The following UBTD2 variants were observed in gnomAD, a reference collection of about 807,000 sequenced individuals.
UBTD2 encodes the protein ubiquitin domain-containing protein 2.
A neutral mutation model predicts 19.8 loss-of-function variants in UBTD2; 9 were observed. The ratio of observed to expected loss-of-function variants is 0.46; its 90% CI spans 0.27 to 0.79. The LOEUF is 0.79. Ranked by LOEUF, UBTD2 falls within the 30% of genes least tolerant of loss-of-function variation. The pLI is 0.14. For synonymous variants in UBTD2, 98 were observed against 103.9 expected, an observed-to-expected ratio of 0.94 and a Z score of 0.35; for missense variants, 250 against 300.4, an observed-to-expected ratio of 0.83 and a Z score of 1.24.
At chr5:172,263,170 A>G (rs1389762702) in intron 1 of UBTD2, among the ~76,000 whole-genome samples, 1 of 152,064 alleles carries the variant, frequency 6.6e-6, no homozygotes, top group Admixed American at 6.6e-5. Flanking sequence ...AGCTCAAGCA[A>G]TCTGCTTACC....
intron 1 of UBTD2, among the ~76,000 whole-genome samples, chr5:172,249,260 G>C (rs958344055): frequency 6.6e-6 from 1 of 151,600 alleles, no homozygotes; most frequent in Non-Finnish European, 1.5e-5. Context: ...TTAGCTGAGC[G>C]TGGTGGCATG....
chr5:172,271,562 T>C (rs1755493517), intron 1 of UBTD2, among the ~76,000 whole-genome samples: 1 of 152,216 alleles, frequency 6.6e-6, no homozygotes, highest in African/African-American at 2.4e-5. Context: ...TTACCTAAGT[T>C]CTACTTAAAT....
chr5:172,251,776 G>C (rs1016841784), intron 1 of UBTD2, among the ~76,000 whole-genome samples: 2 of 152,198 alleles, frequency 1.3e-5, no homozygotes, highest in Non-Finnish European at 2.9e-5. Flanking sequence ...GGTAATTCTT[G>C]AAGCTGAAAG....
At chr5:172,248,316 G>A in intron 1 of UBTD2, among the ~76,000 whole-genome samples, 1 of 152,190 alleles carries the variant, frequency 6.6e-6, no homozygotes, top group East Asian at 1.9e-4. Context: ...GAGGCTGGAT[G>A]GGGTGGCTCA....
chr5:172,212,765 A>G (rs1443566557), intron 2 of UBTD2, among the ~76,000 whole-genome samples: 1 of 151,744 alleles, frequency 6.6e-6, no homozygotes, highest in East Asian at 1.9e-4. Flanking sequence ...CCTGGGTTCC[A>G]GAGATTCTCC....
At chr5:172,271,196 C>T (rs1048139574) in intron 1 of UBTD2, among the ~76,000 whole-genome samples, 15 of 151,856 alleles carry the variant, frequency 9.9e-5, no homozygotes, top group African/African-American at 3.6e-4. Context: ...TTTTGGAGGC[C>T]GAGGCTGGTG....
rs981452553 is a variant in UBTD2 at position 172,211,744 on chromosome 5, T to C, written c.*86A>G. On this transcript the variant is annotated 3_prime_UTR_variant, in exon 3 of 3. Transcript: ENST00000393792. The stretch of plus-strand genomic sequence containing the variant: ...TCATAGGGAATTTAGAGCAGTGAAA[T>C]AGATTTCACGCCGCAGAGTAGGAAA... The C allele has an allele frequency of 2.7e-5, 38 of 1,407,228 alleles. No individual in the cohort carries two copies. The African/African-American group carries it at 4.9e-4, about 18-fold the overall frequency. The allele number at this position is 1,407,228 out of a possible 1,614,324, so 87.2% of individuals were successfully genotyped here. A position where few individuals can be genotyped will look rare whatever the true frequency, so the allele number is the denominator to read the frequency against.
chr5:172,236,106 C>T (rs1457518632), intron 1 of UBTD2, among the ~76,000 whole-genome samples: 1 of 152,198 alleles, frequency 6.6e-6, no homozygotes, highest in African/African-American at 2.4e-5. Context: ...ACTCTCCAGG[C>T]TATATTCTCA....
intron 2 of UBTD2, among the ~76,000 whole-genome samples, chr5:172,220,974 A>G (rs868771677): frequency 6.6e-6 from 1 of 152,248 alleles, no homozygotes; most frequent in South Asian, 2.1e-4. Context: ...ATACATCAGC[A>G]ATGAGCAAGT....
Position 172,270,544 on chromosome 5 carries a change from G to T in UBTD2, c.70+13052C>A, listed in dbSNP as rs1027923159. ...CTAATTTTTTTGTATTTTAGTAAAA[G>T]ACGGGGTTTCAATGTTGGCTGGGAT... On this transcript the variant is annotated intron_variant, in intron 1 of 2. Transcript: ENST00000393792. Among the ~76,000 whole-genome samples, 5 of 151,844 alleles carry T rather than the reference G, an allele frequency of 3.3e-5. No individual in the cohort carries two copies. In the South Asian group the frequency reaches 8.3e-4, roughly 25 times the overall value.
At chr5:172,269,619 C>T (rs1755444799) in intron 1 of UBTD2, among the ~76,000 whole-genome samples, 2 of 151,590 alleles carry the variant, frequency 1.3e-5, no homozygotes, top group Non-Finnish European at 2.9e-5. Flanking sequence ...GGCCTCTTCT[C>T]GTAACAAGAT....
At chr5:172,274,566 T>G (rs919343275) in intron 1 of UBTD2, among the ~76,000 whole-genome samples, 1 of 152,192 alleles carries the variant, frequency 6.6e-6, no homozygotes, top group African/African-American at 2.4e-5. Context: ...CTGGACATTC[T>G]TGGTGAAGAA....
At chr5:172,214,325 A>C (rs369609508) in intron 2 of UBTD2, among the ~76,000 whole-genome samples, 1 of 152,370 alleles carries the variant, frequency 6.6e-6, no homozygotes, top group South Asian at 2.1e-4. Context: ...AACCCACCAC[A>C]GGTCCAATCT....
intron 1 of UBTD2, among the ~76,000 whole-genome samples, chr5:172,268,700 G>A (rs1472041165): frequency 6.6e-6 from 1 of 152,124 alleles, no homozygotes; most frequent in Non-Finnish European, 1.5e-5. Flanking sequence ...AGTGAGCAGA[G>A]ATCATGCCAC....
At chr5:172,226,696 T>C (rs747652453) in intron 2 of UBTD2, among the ~76,000 whole-genome samples, 1 of 152,202 alleles carries the variant, frequency 6.6e-6, no homozygotes, top group Admixed American at 6.5e-5. Flanking sequence ...ATCCAGATAT[T>C]AGGTGCAGTT....
intron 1 of UBTD2, among the ~76,000 whole-genome samples, chr5:172,272,135 T>C (rs1755502644): frequency 6.6e-6 from 1 of 152,166 alleles, no homozygotes; most frequent in South Asian, 2.1e-4. Flanking sequence ...ACTGCAAACA[T>C]GCAAAAATAG....
At chr5:172,266,019 T>C (rs1483796735) in intron 1 of UBTD2, among the ~76,000 whole-genome samples, 1 of 151,630 alleles carries the variant, frequency 6.6e-6, no homozygotes, top group Non-Finnish European at 1.5e-5. Context: ...TTGCAACCTC[T>C]GCCTCCCGGG....
chr5:172,213,487 T>G (rs936851530), intron 2 of UBTD2, among the ~76,000 whole-genome samples: 4 of 151,998 alleles, frequency 2.6e-5, no homozygotes, highest in Non-Finnish European at 5.9e-5. Flanking sequence ...AAGCTATGGA[T>G]TAAAAAGGAA....
Position 172,250,756 on chromosome 5 carries a change from A to C in UBTD2, c.71-16398T>G, listed in dbSNP as rs139277259. On this transcript the variant is annotated intron_variant, in intron 1 of 2. Transcript: ENST00000393792. ...CCTTCCAGCCTGGACAACATGGTAA[A>C]ACCCTGTGTCTACAAAAAAATAAAA... 2.4e-3 allele frequency among the ~76,000 whole-genome samples: 372 copies of C among 151,944 alleles called. 7 individuals carry two copies. Among genetic ancestry groups the C allele is most frequent in the Admixed American group, 0.017 (265 of 15,250 alleles).
Sources: gnomAD v4.1 joint callset for allele counts (sites outside exome capture counted in the v4.1 genomes callset) on GRCh38, gnomAD v4.1.1 for gene constraint, MANE v1.5 for transcripts, NCBI Gene and HGNC (gene_info 2026-07-23, HGNC 2026-07-21) for gene names.